The following LRMDA variants were observed in gnomAD, a reference collection of about 807,000 sequenced individuals.
LRMDA encodes leucine-rich melanocyte differentiation-associated protein.
A neutral mutation model predicts 29.8 loss-of-function variants in LRMDA; 18 were observed. The ratio of observed to expected loss-of-function variants is 0.60; its 90% CI spans 0.42 to 0.90. The LOEUF is 0.90. LRMDA is among the 40% of genes least tolerant of loss of function. The pLI is 0.00. For synonymous variants in LRMDA, 125 were observed against 109.4 expected, an observed-to-expected ratio of 1.14 and a Z score of -0.89; for missense variants, 273 against 273.9, an observed-to-expected ratio of 1.00 and a Z score of 0.02.
intron 2 of LRMDA, among the ~76,000 whole-genome samples, chr10:75,973,021 ACAGCAGCAGCAGCAG>A (rs3042539): frequency 0.027 from 4,011 of 148,940 alleles, 188 homozygotes; most frequent in African/African-American, 0.09. Context: ...CACTTTAACA[ACAGCAGCAGCAGCAG>A]CAGCAGCAGC....
rs1204395598 is a variant in LRMDA, at chr10:76,445,354, G to A, written c.602-111855G>A. Among the ~76,000 whole-genome samples, 9 of 152,270 alleles carry A rather than the reference G, an allele frequency of 5.9e-5. No individual in the cohort carries two copies. In the East Asian group the frequency reaches 1.7e-3, roughly 29 times the overall value. On this transcript the variant is annotated intron_variant, in intron 6 of 6. Transcript: ENST00000611255. Reference sequence around the variant, plus strand: ...TATCCAACCAGCACAGTCCCTCTTTGCTTCAGGGTCTTGGCAAGAGCAGGT... The same window carrying A: ...TATCCAACCAGCACAGTCCCTCTTTACTTCAGGGTCTTGGCAAGAGCAGGT...
chr10:75,550,467 A>G (rs1840128680), intron 2 of LRMDA, among the ~76,000 whole-genome samples: 1 of 152,024 alleles, frequency 6.6e-6, no homozygotes, highest in Admixed American at 6.6e-5. Context: ...ACTTTGTATT[A>G]TGTTATTATA....
intron 2 of LRMDA, among the ~76,000 whole-genome samples, chr10:75,584,385 T>C (rs890034090): frequency 6.6e-6 from 1 of 152,194 alleles, no homozygotes; most frequent in African/African-American, 2.4e-5. Flanking sequence ...TATGTGTCTA[T>C]CATTCTAAGC....
intron 5 of LRMDA, among the ~76,000 whole-genome samples, chr10:76,133,130 C>T (rs1308130303): frequency 6.6e-6 from 1 of 151,888 alleles, no homozygotes; most frequent in Non-Finnish European, 1.5e-5. Context: ...CAACAAGCAC[C>T]TTCTAAGGGT....
chr10:76,248,416 C>T (rs1407349239), intron 5 of LRMDA, among the ~76,000 whole-genome samples: 2 of 152,222 alleles, frequency 1.3e-5, no homozygotes, highest in African/African-American at 4.8e-5. Context: ...CTAGCCTCAT[C>T]TTCTTCAAGA....
At position 76,220,436 on chromosome 10, in the gene LRMDA, A is replaced by T. The variant is rs1377841936; in HGVS notation, c.517-103965A>T. Among the ~76,000 whole-genome samples, 18 of 152,308 alleles carry T rather than the reference A, an allele frequency of 1.2e-4. No individual in the cohort carries two copies. In the East Asian group the frequency reaches 3.5e-3, roughly 29 times the overall value. On this transcript the variant is annotated intron_variant, in intron 5 of 6. Coordinates refer to ENST00000611255, the MANE Select transcript of LRMDA (RefSeq NM_001305581.2). Reference sequence around the variant, plus strand: ...GACGCAATAAAAAATGATAAAGGGGATATCACCACCGATCCCACAGAAATA... The same window carrying T: ...GACGCAATAAAAAATGATAAAGGGGTTATCACCACCGATCCCACAGAAATA...
intron 2 of LRMDA, among the ~76,000 whole-genome samples, chr10:75,556,430 G>A (rs145971669): frequency 2.0e-5 from 3 of 152,236 alleles, no homozygotes; most frequent in African/African-American, 2.4e-5. Flanking sequence ...AAGCATAAAG[G>A]TGAAATAAAG....
chr10:76,062,004 C>T (rs1171101046), intron 5 of LRMDA, among the ~76,000 whole-genome samples: 2 of 152,096 alleles, frequency 1.3e-5, no homozygotes, highest in East Asian at 3.9e-4. Flanking sequence ...ATGTTTGTTC[C>T]CATGCAGGTG....
chr10:75,874,467 T>A (rs1326945761), intron 2 of LRMDA, among the ~76,000 whole-genome samples: 1 of 152,230 alleles, frequency 6.6e-6, no homozygotes, highest in Non-Finnish European at 1.5e-5. Context: ...TGAGTTACAC[T>A]TAATAAGCAC....
At chr10:75,994,440 C>T (rs558692649) in intron 2 of LRMDA, among the ~76,000 whole-genome samples, 1 of 152,304 alleles carries the variant, frequency 6.6e-6, no homozygotes, top group African/African-American at 2.4e-5. Context: ...ATCACTGTAT[C>T]ACTCTTCCAG....
intron 2 of LRMDA, among the ~76,000 whole-genome samples, chr10:75,616,322 C>A (rs972132932): frequency 6.6e-6 from 1 of 151,766 alleles, no homozygotes; most frequent in Non-Finnish European, 1.5e-5. Context: ...TTATTTGATT[C>A]AATTATCTCC....
At chr10:76,397,873 T>C (rs1841805294) in intron 6 of LRMDA, among the ~76,000 whole-genome samples, 1 of 152,224 alleles carries the variant, frequency 6.6e-6, no homozygotes, top group Non-Finnish European at 1.5e-5. Context: ...TTTTAAATTG[T>C]ACATGCTGGA....
intron 2 of LRMDA, among the ~76,000 whole-genome samples, chr10:75,985,008 A>G (rs1288565700): frequency 6.6e-6 from 1 of 152,168 alleles, no homozygotes; most frequent in East Asian, 1.9e-4. Flanking sequence ...GCTTTATATG[A>G]ACTTATCTGT....
intron 6 of LRMDA, among the ~76,000 whole-genome samples, chr10:76,492,598 A>G (rs1195668030): frequency 6.6e-6 from 1 of 152,060 alleles, no homozygotes; most frequent in Non-Finnish European, 1.5e-5. Context: ...CTGTTGGGTT[A>G]GACCTTGTAT....
At chr10:76,007,029 T>TGTGTGTGTGTGTGC (rs1471658187) in intron 2 of LRMDA, among the ~76,000 whole-genome samples, 1 of 27,410 alleles carries the variant, frequency 3.6e-5, no homozygotes, top group East Asian at 8.0e-4. Context: ...TGTGTGTGTG[T>TGTGTGTGTGTGTGC]GTGCGCGTGT....
At chr10:76,112,286 C>G (rs533564309) in intron 5 of LRMDA, among the ~76,000 whole-genome samples, 44 of 152,158 alleles carry the variant, frequency 2.9e-4, no homozygotes, top group Non-Finnish European at 5.6e-4. Flanking sequence ...CAGCCCCTCT[C>G]CCTGAGCACA....
intron 6 of LRMDA, among the ~76,000 whole-genome samples, chr10:76,435,338 C>T (rs1479512076): frequency 6.6e-6 from 1 of 152,112 alleles, no homozygotes. Flanking sequence ...GTTCTCACCC[C>T]AAGTTTCTCT....
chr10:75,987,341 C>A (rs1254167055), intron 2 of LRMDA, among the ~76,000 whole-genome samples: 2 of 152,134 alleles, frequency 1.3e-5, no homozygotes, highest in Non-Finnish European at 2.9e-5. Context: ...CCAGATAATT[C>A]TTTGTTGTGG....
rs78669163 is a variant in LRMDA, at chr10:76,129,444, C to T, written c.516+70661C>T. Among the ~76,000 whole-genome samples, 560 of 152,296 alleles carry T rather than the reference C, an allele frequency of 3.7e-3. 5 individuals are homozygous for T. The highest frequency in any genetic ancestry group is 0.013 in the African/African-American group (529 of 41,558). On this transcript the variant is annotated intron_variant, in intron 5 of 6. Coordinates refer to ENST00000611255, the MANE Select transcript of LRMDA (RefSeq NM_001305581.2). Reference sequence around the variant, plus strand: ...ACTGCAAATTGGTTCGGAGACTGAACGCTGGTCTCCTGAAATAGACCTTTA... The same window carrying T: ...ACTGCAAATTGGTTCGGAGACTGAATGCTGGTCTCCTGAAATAGACCTTTA...
Sources: allele counts gnomAD v4.1 joint callset (sites outside exome capture counted in the v4.1 genomes callset), GRCh38; gene constraint gnomAD v4.1.1; transcripts MANE v1.5; gene names NCBI Gene and HGNC (gene_info 2026-07-23, HGNC 2026-07-21).